RBL2: variants seen among roughly 807,000 people sequenced by gnomAD.
The protein encoded by RBL2 is retinoblastoma-like protein 2.
A neutral mutation model predicts 126.0 loss-of-function variants in RBL2; 56 were observed. The ratio of observed to expected loss-of-function variants is 0.44; its 90% CI spans 0.36 to 0.56. The LOEUF (loss-of-function observed/expected upper bound fraction) is 0.56. Ranked by LOEUF, RBL2 falls within the 20% of genes least tolerant of loss-of-function variation. The probability of loss-of-function intolerance (pLI) is 0.00; values close to 1 mark genes in which losing one functional copy is unlikely to be tolerated. For synonymous variants in RBL2, 454 were observed against 478.5 expected, an observed-to-expected ratio of 0.95 and a Z score of 0.67; for missense variants, 1,229 against 1,398.2, an observed-to-expected ratio of 0.88 and a Z score of 1.93.
At chr16:53,485,152 TAC>T (rs1961115956) in intron 21 of RBL2, among the ~76,000 whole-genome samples, 5 of 152,204 alleles carry the variant, frequency 3.3e-5, no homozygotes, top group Admixed American at 6.5e-5. Flanking sequence ...AGAGAACATT[TAC>T]CAACATAGAC....
chr16:53,449,984 T>TA (rs1184246227), intron 4 of RBL2, among the ~76,000 whole-genome samples: 2 of 147,030 alleles, frequency 1.4e-5, no homozygotes, highest in Non-Finnish European at 3.0e-5. Context: ...TTTTGCCTTC[T>TA]ATGGCAAGTG....
chr16:53,481,520 A>G (rs1960944843), intron 20 of RBL2, 151 bp from the exon 21 acceptor site: 1 of 688,282 alleles, frequency 1.5e-6, no homozygotes, highest in Non-Finnish European at 2.3e-6. Context: ...TGCTATTAGA[A>G]TATTTTTCTT....
rs1342736761 is a variant in RBL2 at position 53,470,898 on chromosome 16, G to A, written c.2679G>A (p.Met893Ile). ...ACAGACATCTGGACCAGTTATTAATGTGTGCCATTTATGTGATGGCAAAGG... is the reference window on the plus strand; with the variant it reads ...ACAGACATCTGGACCAGTTATTAATATGTGCCATTTATGTGATGGCAAAGG... ...MMDRHLDQLL[M>I]CAIYVMAKVT... Residue 893 changes from methionine (M) to isoleucine (I), a missense_variant, in exon 17 of 22, where the codon ATG becomes ATA. Met to Ile is a conservative substitution (Grantham distance 10). This residue lies in a region of RBL2 where 1,070 missense variants were observed against 1,274.3 expected (regional missense o/e 0.84). Transcript: ENST00000262133. 1.9e-6 allele frequency: 3 copies of A among 1,613,128 alleles called. No homozygotes were observed. The African/African-American group carries it at 4.0e-5, about 22-fold the overall frequency.
At chr16:53,435,878 G>T (rs999614536) in intron 1 of RBL2, 4 of 899,800 alleles carry the variant, frequency 4.4e-6, no homozygotes, top group Non-Finnish European at 6.0e-6. Context: ...AGAAGATAGT[G>T]TATGGTGGCT....
At position 53,461,749 on chromosome 16, in the gene RBL2, C is replaced by T. The variant is rs768237269; in HGVS notation, c.1355C>T (p.Ser452Phe). 1.9e-6 allele frequency: 3 copies of T among 1,589,898 alleles called. No homozygotes were observed. In the East Asian group the frequency reaches 6.8e-5, roughly 36 times the overall value. ...CTCATTACCTTTTTTAGGACATGTT[C>T]CAGAGATCCAACCCAGGCTATTGCT... ...EKLEQILRTC[S>F]RDPTQAIANR... The change falls in exon 10 of 22, where the codon TCC becomes TTC. Residue 452 changes from serine to phenylalanine, a missense_variant. By Grantham distance (155) the Ser-to-Phe change is radical. This residue lies in a region of RBL2 where 1,070 missense variants were observed against 1,274.3 expected (regional missense o/e 0.84). Coordinates refer to ENST00000262133, the MANE Select transcript of RBL2 (RefSeq NM_005611.4).
intron 4 of RBL2, among the ~76,000 whole-genome samples, chr16:53,451,361 C>CCATG (rs1567730481): frequency 1.3e-5 from 2 of 151,992 alleles, no homozygotes; most frequent in Non-Finnish European, 2.9e-5. Context: ...TTTAAATTAG[C>CCATG]CATGTGTGGT....
intron 21 of RBL2, chr16:53,488,452 G>C (rs980346135): frequency 6.6e-6 from 1 of 152,208 alleles, no homozygotes; most frequent in Non-Finnish European, 1.5e-5. Context: ...TTCTAGCACA[G>C]AATTGGGAGT....
intron 2 of RBL2, among the ~76,000 whole-genome samples, chr16:53,439,566 T>C (rs1278631908): frequency 6.6e-6 from 1 of 152,196 alleles, no homozygotes; most frequent in Non-Finnish European, 1.5e-5. Flanking sequence ...TATTTCTCAG[T>C]TTCCTGTTTG....
At chr16:53,455,151 G>A (rs1250068349) in intron 8 of RBL2, among the ~76,000 whole-genome samples, 1 of 152,240 alleles carries the variant, frequency 6.6e-6, no homozygotes, top group Non-Finnish European at 1.5e-5. Context: ...TGAACATAGT[G>A]TAGGCATTTA....
intron 8 of RBL2, 146 bp downstream of exon 8, chr16:53,454,988 G>A (rs1256829180): frequency 6.5e-6 from 4 of 611,142 alleles, no homozygotes; most frequent in Non-Finnish European, 1.0e-5. Flanking sequence ...ATTGAAAAAG[G>A]TATCTCTATG....
chr16:53,485,084 T>G (rs1335037591), intron 21 of RBL2, among the ~76,000 whole-genome samples: 1 of 151,106 alleles, frequency 6.6e-6, no homozygotes, highest in East Asian at 1.9e-4. Flanking sequence ...ATACAGAAGA[T>G]GTAGACATTA....
chr16:53,489,590 T>C (rs1026507267), intron 21 of RBL2: 2 of 152,168 alleles, frequency 1.3e-5, no homozygotes, highest in African/African-American at 4.8e-5. Flanking sequence ...GTAACTTTAA[T>C]CCTCAATTCT....
intron 17 of RBL2, among the ~76,000 whole-genome samples, chr16:53,475,108 CTGTT>C: frequency 6.6e-6 from 1 of 152,304 alleles, no homozygotes; most frequent in East Asian, 1.9e-4. Context: ...AAGAATTTGT[CTGTT>C]TCCTCTGGGC....
At chr16:53,464,422 T>A (rs1025830141) in intron 12 of RBL2, 59 bp downstream of exon 12, 20 of 1,354,648 alleles carry the variant, frequency 1.5e-5, no homozygotes, top group African/African-American at 3.0e-5. Flanking sequence ...CTTCCTGTTG[T>A]TAGTCATTTA....
chr16:53,442,811 A>G lies in RBL2; in HGVS notation c.525A>G (p.Lys175=). 1 of 1,613,648 alleles carries G rather than the reference A, an allele frequency of 6.2e-7. No individual in the cohort carries two copies. Among genetic ancestry groups the G allele is most frequent in the Non-Finnish European group, 8.5e-7 (1 of 1,179,694 alleles). Residue 175 remains lysine, a synonymous_variant, in exon 3 of 22, where the codon AAA becomes AAG. Transcript: ENST00000262133. ...AACCCATTTTTCAGGACATCTTTAAATACCCTCAAGAGGAGCAACCTCGTC... is the reference window on the plus strand; with the variant it reads ...AACCCATTTTTCAGGACATCTTTAAGTACCCTCAAGAGGAGCAACCTCGTC... ...KYEPIFQDIF[K]YPQEEQPRQQ...
Position 53,453,433 on chromosome 16 carries a change from G to A in RBL2, c.767-19G>A. The A allele has an allele frequency of 6.3e-7, 1 of 1,591,526 alleles. No homozygotes were observed. The highest frequency in any genetic ancestry group is 8.6e-7 in the Non-Finnish European group (1 of 1,165,378). On this transcript the variant is annotated intron_variant, in intron 5 of 21. Transcript: ENST00000262133. ...TATTGTGTGCTGATATCTCTGTTTT[G>A]TGATTCTATACACCATAGGCTTATC...
chr16:53,469,822 A>G, intron 14 of RBL2, 94 bp from the exon 15 acceptor site: 2 of 1,349,832 alleles, frequency 1.5e-6, no homozygotes, highest in Non-Finnish European at 2.0e-6. Context: ...AGTATTTCAA[A>G]CACTGTAGTT....
At chr16:53,474,579 G>T (rs1960654681) in intron 17 of RBL2, among the ~76,000 whole-genome samples, 1 of 152,180 alleles carries the variant, frequency 6.6e-6, no homozygotes, top group Non-Finnish European at 1.5e-5. Context: ...GCCTCCCAAA[G>T]TGCTGGGATT....
chr16:53,454,682 A>G lies in RBL2; in HGVS notation c.1019A>G (p.Glu340Gly). 6.2e-7 allele frequency: 1 copy of G among 1,613,668 alleles called. No individual in the cohort carries two copies. Among genetic ancestry groups the G allele is most frequent in the Non-Finnish European group, 8.5e-7 (1 of 1,179,620 alleles). Residue 340 changes from glutamate (E) to glycine (G), a missense_variant, in exon 8 of 22, where the codon GAG (glutamate) becomes GGG (glycine). By Grantham distance (98) the Glu-to-Gly change is moderately conservative. Around this residue, in one of 2 missense-constraint regions of RBL2, gnomAD observed 1,070 missense variants for 1,274.3 expected, o/e 0.84. Coordinates refer to ENST00000262133, the MANE Select transcript of RBL2 (RefSeq NM_005611.4). ...SFKAINKAYE[E>G]YVLSVGNLDE... ...AAAGCCATCAATAAGGCCTATGAGG[A>G]GTATGTTTTATCTGTTGGGAATTTA...
Sources: allele counts gnomAD v4.1 joint callset (sites outside exome capture counted in the v4.1 genomes callset), GRCh38; gene constraint gnomAD v4.1.1; regional missense constraint gnomAD v4.1.1; transcripts MANE v1.5; gene names NCBI Gene and HGNC (gene_info 2026-07-23, HGNC 2026-07-21).